The following ARHGAP32 variants were observed in gnomAD, a reference collection of about 807,000 sequenced individuals.
ARHGAP32 encodes Rho GTPase activating protein 32.
Under a neutral mutation model 186.5 loss-of-function variants are expected in ARHGAP32, and 51 were observed. The observed-to-expected ratio is 0.27, with a 90% CI of 0.22 to 0.35. ARHGAP32 has a LOEUF of 0.35. Ranked by LOEUF, ARHGAP32 falls within the 10% of genes least tolerant of loss-of-function variation. The probability of loss-of-function intolerance (pLI) is 1.00; values close to 1 mark genes in which losing one functional copy is unlikely to be tolerated. For synonymous variants in ARHGAP32, 950 were observed against 964.3 expected (o/e 0.99, Z 0.27); for missense variants, 2,186 against 2,623.5 (o/e 0.83, Z 3.64).
intron 1 of ARHGAP32, among the ~76,000 whole-genome samples, chr11:129,269,630 C>T (rs1031971380): frequency 3.9e-5 from 6 of 151,936 alleles, no homozygotes; most frequent in Non-Finnish European, 5.9e-5. Flanking sequence ...GGAAGGCTGA[C>T]GTAGGAGGAT....
chr11:129,059,024 C>T (rs115701661), intron 10 of ARHGAP32, among the ~76,000 whole-genome samples: 1,934 of 152,314 alleles, frequency 0.013, 37 homozygotes, highest in South Asian at 0.044. Context: ...AACATGTATG[C>T]TTTGCAGTCC....
chr11:129,085,313 A>G (rs1359844030), intron 6 of ARHGAP32, among the ~76,000 whole-genome samples: 1 of 152,230 alleles, frequency 6.6e-6, no homozygotes, highest in East Asian at 1.9e-4. Context: ...GGCATGAGCC[A>G]GCACACAACA....
At chr11:128,998,711 C>T (rs1351964640) in intron 11 of ARHGAP32, among the ~76,000 whole-genome samples, 2 of 152,168 alleles carry the variant, frequency 1.3e-5, no homozygotes, top group South Asian at 4.1e-4. Context: ...CTGGCTGAAG[C>T]CATGGCAGAA....
At chr11:129,193,671 T>C (rs1944339849), upstream of ARHGAP32, among the ~76,000 whole-genome samples, 1 of 49,230 alleles carries the variant, frequency 2.0e-5, no homozygotes, top group African/African-American at 8.1e-5. Flanking sequence ...ATATATTATA[T>C]ATAATATATA....
chr11:129,229,912 A>T (rs1944835608), intron 1 of ARHGAP32, among the ~76,000 whole-genome samples: 1 of 151,768 alleles, frequency 6.6e-6, no homozygotes, highest in Admixed American at 6.6e-5. Flanking sequence ...ACCTTCTCCG[A>T]CTCAAGTGAT....
At chr11:128,971,776 C>G (rs1261145943) in intron 22 of ARHGAP32, 1 of 152,306 alleles carries the variant, frequency 6.6e-6, no homozygotes, top group African/African-American at 2.4e-5. Flanking sequence ...ATCTTAAGTC[C>G]TATTAATAGT....
intron 10 of ARHGAP32, among the ~76,000 whole-genome samples, chr11:129,044,650 A>G (rs1378644443): frequency 6.6e-6 from 1 of 151,942 alleles, no homozygotes; most frequent in Non-Finnish European, 1.5e-5. Context: ...ACTCTCAAAT[A>G]TCATTCTTTC....
chr11:129,242,292 A>G (rs1413008849), intron 1 of ARHGAP32, among the ~76,000 whole-genome samples: 1 of 152,216 alleles, frequency 6.6e-6, no homozygotes. Context: ...CTAGTGTTTT[A>G]GGAACTCAAC....
chr11:129,239,321 A>G (rs1257644593), intron 1 of ARHGAP32, among the ~76,000 whole-genome samples: 1 of 152,188 alleles, frequency 6.6e-6, no homozygotes, highest in East Asian at 1.9e-4. Context: ...TGCAGTAAGC[A>G]TTCTGCAGCA....
chr11:129,020,402 C>T (rs1938543793), intron 11 of ARHGAP32, among the ~76,000 whole-genome samples: 2 of 152,030 alleles, frequency 1.3e-5, no homozygotes, highest in Non-Finnish European at 2.9e-5. Context: ...GGACTTGATG[C>T]TTGTACTACC....
intron 1 of ARHGAP32, among the ~76,000 whole-genome samples, chr11:129,209,171 CTATT>C (rs1354780839): frequency 1.3e-5 from 2 of 152,050 alleles, no homozygotes; most frequent in African/African-American, 4.8e-5. Context: ...GACTCATAAC[CTATT>C]TAGAGATTTA....
At chr11:129,193,717 T>TTATATTATATAA (rs1944347900), upstream of ARHGAP32, among the ~76,000 whole-genome samples, 1 of 43,812 alleles carries the variant, frequency 2.3e-5, no homozygotes, top group Non-Finnish European at 4.5e-5. Flanking sequence ...ATATTATATA[T>TTATATTATATAA]TATATATTAT....
Position 129,064,350 on chromosome 11 carries a change from T to C in ARHGAP32, c.763-326A>G, listed in dbSNP as rs140764957. Reference sequence around the variant, plus strand: ...CTCAACGCAGGTTGGCCCATAGTTCTATATTCTTTCCACTTTCCATCTTGC... The same window carrying C: ...CTCAACGCAGGTTGGCCCATAGTTCCATATTCTTTCCACTTTCCATCTTGC... On this transcript the variant is annotated intron_variant, in intron 8 of 22. Transcript: ENST00000682385. Among the ~76,000 whole-genome samples the C allele has an allele frequency of 9.1e-3, 1,386 of 152,272 alleles. 24 individuals carry two copies. Among genetic ancestry groups the C allele is most frequent in the African/African-American group, 0.032 (1,318 of 41,568 alleles).
chr11:129,127,324 A>G (rs572182921), intron 2 of ARHGAP32, among the ~76,000 whole-genome samples: 194 of 152,294 alleles, frequency 1.3e-3, no homozygotes, highest in Non-Finnish European at 2.5e-3. Flanking sequence ...ACAAAATGAT[A>G]ATAATTAGGC....
chr11:129,078,462 G>C (rs188145546), intron 6 of ARHGAP32, among the ~76,000 whole-genome samples: 46 of 152,228 alleles, frequency 3.0e-4, no homozygotes, highest in Middle Eastern at 6.8e-3. Context: ...CGAACTCTTT[G>C]AATTGCAAGA....
At chr11:129,024,646 TA>T (rs1422679322) in intron 11 of ARHGAP32, among the ~76,000 whole-genome samples, 1 of 152,036 alleles carries the variant, frequency 6.6e-6, no homozygotes, top group Non-Finnish European at 1.5e-5. Flanking sequence ...GGGAAAAAAA[TA>T]AAAAAGGTTT....
intron 6 of ARHGAP32, among the ~76,000 whole-genome samples, chr11:129,076,512 TA>T (rs1300354021): frequency 2.6e-5 from 4 of 152,138 alleles, no homozygotes; most frequent in Middle Eastern, 6.8e-3. Context: ...TATTAGTCAA[TA>T]ATAGAAAAAA....
intron 18 of ARHGAP32, 100 bp downstream of exon 18, chr11:128,980,453 T>G (rs1029876907): frequency 2.2e-6 from 2 of 915,968 alleles, no homozygotes; most frequent in Non-Finnish European, 3.2e-6. Flanking sequence ...TAGAATTCAA[T>G]AGAGTAATAC....
chr11:129,220,331 A>G (rs1030008473), intron 1 of ARHGAP32, among the ~76,000 whole-genome samples: 2 of 152,190 alleles, frequency 1.3e-5, no homozygotes, highest in Non-Finnish European at 2.9e-5. Context: ...ACGGCACAGA[A>G]CTAAGAATTT....
Sources: gnomAD v4.1 joint callset for allele counts (sites outside exome capture counted in the v4.1 genomes callset) on GRCh38, gnomAD v4.1.1 for gene constraint, MANE v1.5 for transcripts, NCBI Gene and HGNC (gene_info 2026-07-23, HGNC 2026-07-21) for gene names.